THSD7B: variants seen among roughly 807,000 people sequenced by gnomAD.
THSD7B encodes the protein thrombospondin type-1 domain-containing protein 7B.
Under a neutral mutation model 213.6 loss-of-function variants are expected in THSD7B, and 138 were observed. The ratio of observed to expected loss-of-function variants is 0.65; its 90% CI spans 0.56 to 0.74. THSD7B has a LOEUF of 0.74. THSD7B is among the 30% of genes least tolerant of loss of function. THSD7B has a pLI of 0.00. For synonymous variants in THSD7B, 742 were observed against 687.0 expected, an observed-to-expected ratio of 1.08 and a Z score of -1.25; for missense variants, 1,931 against 1,991.5, an observed-to-expected ratio of 0.97 and a Z score of 0.58.
chr2:137,396,817 G>C (rs1361903436), intron 12 of THSD7B, among the ~76,000 whole-genome samples: 14 of 151,846 alleles, frequency 9.2e-5, no homozygotes, highest in South Asian at 2.1e-4. Context: ...TTGTAGGTCA[G>C]TTAGGACTTG....
chr2:136,936,233 T>C (rs191964755), intron 2 of THSD7B, among the ~76,000 whole-genome samples: 14 of 152,206 alleles, frequency 9.2e-5, no homozygotes, highest in African/African-American at 3.1e-4. Flanking sequence ...GAATGTAAAC[T>C]AGCACAACCA....
chr2:137,153,573 T>C (rs1037719207), intron 5 of THSD7B, among the ~76,000 whole-genome samples: 1 of 152,204 alleles, frequency 6.6e-6, no homozygotes, highest in African/African-American at 2.4e-5. Flanking sequence ...CAGATTTTAT[T>C]CTATTTACTA....
At chr2:137,365,069 G>T (rs909486009) in intron 12 of THSD7B, among the ~76,000 whole-genome samples, 9 of 152,014 alleles carry the variant, frequency 5.9e-5, no homozygotes, top group Non-Finnish European at 1.0e-4. Context: ...CAGAACAGAG[G>T]CCTCAGAAAT....
intron 14 of THSD7B, among the ~76,000 whole-genome samples, chr2:137,437,596 T>G (rs1157297814): frequency 2.0e-5 from 3 of 152,012 alleles, no homozygotes; most frequent in Non-Finnish European, 4.4e-5. Flanking sequence ...ATTACAGAAG[T>G]CCCTATGAGT....
chr2:136,883,453 AT>A (rs1007352456), intron 2 of THSD7B, among the ~76,000 whole-genome samples: 5 of 150,746 alleles, frequency 3.3e-5, no homozygotes, highest in African/African-American at 9.7e-5. Flanking sequence ...ACTGATTTGC[AT>A]TTTTTTTTCC....
chr2:137,025,543 T>G (rs1389643941), intron 2 of THSD7B, among the ~76,000 whole-genome samples: 2 of 152,130 alleles, frequency 1.3e-5, no homozygotes, highest in Non-Finnish European at 2.9e-5. Flanking sequence ...GTGGAGTTTT[T>G]TTATTTGCAC....
chr2:136,952,900 T>TA (rs1032115258), intron 2 of THSD7B, among the ~76,000 whole-genome samples: 6 of 152,262 alleles, frequency 3.9e-5, no homozygotes, highest in African/African-American at 9.6e-5. Flanking sequence ...TTAATGGGAA[T>TA]AAAAAATTCA....
At chr2:137,298,314 T>C (rs6430702) in intron 12 of THSD7B, among the ~76,000 whole-genome samples, 9,351 of 152,168 alleles carry the variant, frequency 0.061, 541 homozygotes, top group African/African-American at 0.14. Flanking sequence ...AATTTCTAAG[T>C]AGCAAAGCAT....
At chr2:137,235,684 A>G (rs1192249719) in intron 9 of THSD7B, among the ~76,000 whole-genome samples, 1 of 152,244 alleles carries the variant, frequency 6.6e-6, no homozygotes, top group Non-Finnish European at 1.5e-5. Context: ...AGTTTAAAAC[A>G]TAATTCATAA....
At chr2:137,624,756 A>G (rs1308944750) in intron 20 of THSD7B, among the ~76,000 whole-genome samples, 1 of 152,236 alleles carries the variant, frequency 6.6e-6, no homozygotes, top group African/African-American at 2.4e-5. Context: ...AGAGAAATGC[A>G]AATCAAAACC....
intron 9 of THSD7B, among the ~76,000 whole-genome samples, chr2:137,239,886 G>T (rs1318058086): frequency 6.6e-6 from 1 of 152,182 alleles, no homozygotes; most frequent in Non-Finnish European, 1.5e-5. Flanking sequence ...TGAATTCCAG[G>T]AAAAGCCCTC....
At chr2:137,282,606 T>C (rs1329101753) in intron 12 of THSD7B, among the ~76,000 whole-genome samples, 6 of 152,214 alleles carry the variant, frequency 3.9e-5, no homozygotes, top group Non-Finnish European at 7.3e-5. Context: ...GGGATCCAGT[T>C]TCAGCTTTCT....
At chr2:137,499,508 A>C (rs1162155254) in intron 15 of THSD7B, among the ~76,000 whole-genome samples, 1 of 151,888 alleles carries the variant, frequency 6.6e-6, no homozygotes, top group Admixed American at 6.6e-5. Flanking sequence ...TTTTGCACCT[A>C]CTCCCAGTTT....
intron 12 of THSD7B, among the ~76,000 whole-genome samples, chr2:137,362,839 G>T (rs534212509): frequency 2.0e-5 from 3 of 152,176 alleles, no homozygotes; most frequent in Admixed American, 1.3e-4. Context: ...AGACAGAAGA[G>T]TAACAAGGAT....
At chr2:137,184,534 C>G (rs1680515484) in intron 7 of THSD7B, among the ~76,000 whole-genome samples, 1 of 152,094 alleles carries the variant, frequency 6.6e-6, no homozygotes, top group Non-Finnish European at 1.5e-5. Context: ...GAGACAGCTA[C>G]TATGAAATAA....
intron 12 of THSD7B, among the ~76,000 whole-genome samples, chr2:137,323,495 A>G (rs10496769): frequency 0.045 from 6,913 of 152,296 alleles, 190 homozygotes; most frequent in Non-Finnish European, 0.062. Context: ...TTCCAGTCAA[A>G]AGAATAAATT....
At chr2:137,512,373 A>C (rs1295888555) in intron 15 of THSD7B, among the ~76,000 whole-genome samples, 1 of 105,704 alleles carries the variant, frequency 9.5e-6, no homozygotes, top group African/African-American at 4.1e-5. Flanking sequence ...TATTAGTTAC[A>C]TTTATTTCCT....
intron 2 of THSD7B, among the ~76,000 whole-genome samples, chr2:136,955,027 A>C (rs774667044): frequency 6.6e-6 from 1 of 152,102 alleles, no homozygotes; most frequent in Non-Finnish European, 1.5e-5. Flanking sequence ...TTTATGCCTA[A>C]AGTCGACGTT....
intron 1 of THSD7B, among the ~76,000 whole-genome samples, chr2:136,802,639 T>C (rs1366858691): frequency 7.0e-5 from 4 of 57,362 alleles, no homozygotes; most frequent in Non-Finnish European, 1.6e-4. Context: ...TGAATTAAGT[T>C]TATATATATA....
Sources: allele counts gnomAD v4.1 joint callset (sites outside exome capture counted in the v4.1 genomes callset), GRCh38; gene constraint gnomAD v4.1.1; transcripts MANE v1.5; gene names NCBI Gene and HGNC (gene_info 2026-07-23, HGNC 2026-07-21).